The following PCDHGA1 variants were observed in gnomAD, a reference collection of about 807,000 sequenced individuals.
The protein encoded by PCDHGA1 is protocadherin gamma-A1.
In PCDHGA1, 32 loss-of-function variants were observed where a neutral mutation model predicts 58.0. The ratio of observed to expected loss-of-function variants is 0.55; its 90% CI spans 0.42 to 0.74. The LOEUF is 0.74. PCDHGA1 is among the 30% of genes least tolerant of loss of function. The pLI, the probability that PCDHGA1 is intolerant of heterozygous loss-of-function variation, is 0.00. For missense variants in PCDHGA1, 1,205 were observed against 1,182.3 expected, an observed-to-expected ratio of 1.02 and a Z score of -0.28; for synonymous variants, 498 against 501.1, an observed-to-expected ratio of 0.99 and a Z score of 0.08.
intron 1 of PCDHGA1, chr5:141,371,614 A>G: frequency 6.2e-7 from 1 of 1,614,024 alleles, no homozygotes; most frequent in Non-Finnish European, 8.5e-7. Flanking sequence ...TTGGTGACAG[A>G]TGGAGCCCTG....
chr5:141,498,971 G>GGGAAGGAAGGAAGGAAGGAAGGAA (rs201769957), intron 2 of PCDHGA1, among the ~76,000 whole-genome samples: 2 of 110,972 alleles, frequency 1.8e-5, no homozygotes, highest in African/African-American at 3.6e-5. Context: ...GAGGGAGGGA[G>GGGAAGGAAGGAAGGAAGGAAGGAA]GGAAGGAAGG....
Position 141,490,896 on chromosome 5 carries a change from G to A in PCDHGA1, c.2422-3911G>A. 6.2e-7 allele frequency: 1 copy of A among 1,613,938 alleles called. No homozygotes were observed. Among genetic ancestry groups the A allele is most frequent in the Non-Finnish European group, 8.5e-7 (1 of 1,179,922 alleles). ...TGCATGCCAACACATCTCTGCATGTGTTTGTCCTAGACGAGAATGATAATG... is the reference window on the plus strand; with the variant it reads ...TGCATGCCAACACATCTCTGCATGTATTTGTCCTAGACGAGAATGATAATG... On this transcript the variant is annotated intron_variant, in intron 1 of 3. Coordinates refer to ENST00000517417, the MANE Select transcript of PCDHGA1 (RefSeq NM_018912.3). This position sits in a 1 kb window ranked among gnomAD's most constrained non-coding sequence, Gnocchi z 5.4.
intron 1 of PCDHGA1, chr5:141,442,380 T>G (rs1235241143): frequency 2.6e-5 from 4 of 152,244 alleles, no homozygotes; most frequent in Non-Finnish European, 4.4e-5. Flanking sequence ...TCCTACCAGG[T>G]GTGTGCTTCT....
chr5:141,366,416 G>A (rs767881897), intron 1 of PCDHGA1: 1 of 1,614,000 alleles, frequency 6.2e-7, no homozygotes, highest in African/African-American at 1.3e-5. Context: ...TCTTGTGGTG[G>A]CAGTGGCTGC....
chr5:141,347,439 G>A lies in PCDHGA1; in HGVS notation c.2421+14334G>A, dbSNP rs571857864. 4.2e-4 allele frequency among the ~76,000 whole-genome samples: 64 copies of A among 152,134 alleles called. No individual in the cohort carries two copies. In the South Asian group the frequency reaches 0.013, roughly 31 times the overall value. On this transcript the variant is annotated intron_variant, in intron 1 of 3. Coordinates refer to ENST00000517417, the MANE Select transcript of PCDHGA1 (RefSeq NM_018912.3). ...CAAAGTACTGCGATTAGAGGCATGAGCCACCATGCCTGGCCTGTTATTCTT... is the reference window on the plus strand; with the variant it reads ...CAAAGTACTGCGATTAGAGGCATGAACCACCATGCCTGGCCTGTTATTCTT...
intron 1 of PCDHGA1, among the ~76,000 whole-genome samples, chr5:141,353,781 T>A (rs1759382826): frequency 6.6e-6 from 1 of 152,240 alleles, no homozygotes; most frequent in Non-Finnish European, 1.5e-5. Context: ...TACTGTCAAA[T>A]TTATTTCCAA....
intron 1 of PCDHGA1, chr5:141,377,947 G>A (rs1280441389): frequency 1.3e-5 from 2 of 152,286 alleles, no homozygotes; most frequent in Middle Eastern, 3.4e-3. Flanking sequence ...TATAGAGTGT[G>A]TATCCAGGGC....
chr5:141,400,190 T>G (rs914854634), intron 1 of PCDHGA1: 1 of 1,613,898 alleles, frequency 6.2e-7, no homozygotes, highest in Non-Finnish European at 8.5e-7. Context: ...CAGTTTTACC[T>G]AGTGGTGGCC....
chr5:141,433,168 T>A, intron 1 of PCDHGA1: 6 of 1,613,438 alleles, frequency 3.7e-6, no homozygotes, highest in Non-Finnish European at 3.4e-6. Context: ...CTAAAGACAG[T>A]CATGGGTTAA....
At chr5:141,347,137 C>CTCTCTCTTTCTTTCTT (rs375338309) in intron 1 of PCDHGA1, among the ~76,000 whole-genome samples, 26 of 113,744 alleles carry the variant, frequency 2.3e-4, no homozygotes, top group African/African-American at 9.6e-4. Flanking sequence ...CTCTGTTTCT[C>CTCTCTCTTTCTTTCTT]TCTTTCTTTC....
chr5:141,448,505 T>C (rs1041076095), intron 1 of PCDHGA1, among the ~76,000 whole-genome samples: 24 of 152,172 alleles, frequency 1.6e-4, no homozygotes, highest in African/African-American at 5.8e-4. Flanking sequence ...AGGTAAACAT[T>C]TTATAACTTT....
At position 141,511,181 on chromosome 5, in the gene PCDHGA1, G is replaced by A. The variant is rs1301391138; in HGVS notation, c.*8G>A. On this transcript the variant is annotated 3_prime_UTR_variant, in exon 4 of 4. Transcript: ENST00000517417. Reference sequence around the variant, plus strand: ...AAGAAGGAGAAGAAGTAACATGGAGGCCAGGCCAAGAGCCACAGGGCGGCC... The same window carrying A: ...AAGAAGGAGAAGAAGTAACATGGAGACCAGGCCAAGAGCCACAGGGCGGCC... 6.2e-7 allele frequency: 1 copy of A among 1,614,016 alleles called. No homozygotes were observed. The highest frequency in any genetic ancestry group is 1.7e-5 in the Admixed American group (1 of 60,016).
chr5:141,423,927 T>A, intron 1 of PCDHGA1: 1 of 1,240,434 alleles, frequency 8.1e-7, no homozygotes, highest in Non-Finnish European at 1.0e-6. Context: ...TATGCTGGTT[T>A]GGTTTGAAGT....
chr5:141,475,928 G>A, intron 1 of PCDHGA1: 1 of 630,590 alleles, frequency 1.6e-6, no homozygotes, highest in Non-Finnish European at 2.7e-6. Context: ...TGGAGATCGG[G>A]CCCCTGCCCG....
chr5:141,395,218 A>G, intron 1 of PCDHGA1: 2 of 1,612,142 alleles, frequency 1.2e-6, no homozygotes, highest in Non-Finnish European at 1.7e-6. Flanking sequence ...GAATATAAGA[A>G]TGAAGCTGAT....
At chr5:141,404,647 T>C (rs764645495) in intron 1 of PCDHGA1, 20 of 1,614,190 alleles carry the variant, frequency 1.2e-5, no homozygotes, top group Admixed American at 1.7e-5. Context: ...TCCTGTACCC[T>C]GCCCTCCCCA....
Position 141,334,913 on chromosome 5 carries a change from T to A in PCDHGA1, c.2421+1808T>A, listed in dbSNP as rs1232743614. 6.6e-6 allele frequency among the ~76,000 whole-genome samples: 1 copy of A among 152,024 alleles called. No homozygotes were observed. The highest frequency in any genetic ancestry group is 1.5e-5 in the Non-Finnish European group (1 of 67,994). On this transcript the variant is annotated intron_variant, in intron 1 of 3. Transcript: ENST00000517417. The surrounding 1 kb of genome is among the most constrained non-coding windows in gnomAD (Gnocchi z 4.6). ...TAGTGTAGAAGAGAAAAAAACAAAC[T>A]AAAACTAAAAACAAACAGAGCTCTT... is the stretch of plus-strand genomic sequence containing the variant.
chr5:141,393,465 G>A lies in PCDHGA1; in HGVS notation c.2421+60360G>A, dbSNP rs776962387. The stretch of plus-strand genomic sequence containing the variant: ...CCTGGTCCTCACGGCCTCGGATGGC[G>A]GCAAGCCGCCTCGCTCTAGCACAGT... On this transcript the variant is annotated intron_variant, in intron 1 of 3. Transcript: ENST00000517417. 23 of 1,614,048 alleles carry A rather than the reference G, an allele frequency of 1.4e-5. No homozygotes were observed. The East Asian group carries it at 5.1e-4, about 36-fold the overall frequency.
At chr5:141,353,710 T>G (rs545692626) in intron 1 of PCDHGA1, among the ~76,000 whole-genome samples, 2 of 152,380 alleles carry the variant, frequency 1.3e-5, no homozygotes, top group African/African-American at 4.8e-5. Flanking sequence ...TCTTGTTTCT[T>G]TAGTGTAGAT....
Sources: gnomAD v4.1 joint callset for allele counts (sites outside exome capture counted in the v4.1 genomes callset) on GRCh38, gnomAD v4.1.1 for gene constraint, Gnocchi (gnomAD v3.1) non-coding constraint, MANE v1.5 for transcripts, NCBI Gene and HGNC (gene_info 2026-07-23, HGNC 2026-07-21) for gene names.